Variants in PTPRK observed in about 807,000 individuals in gnomAD.
The protein encoded by PTPRK is protein tyrosine phosphatase receptor type K, also known as receptor-type tyrosine-protein phosphatase kappa.
PTPRK carries 75 observed loss-of-function variants against 178.0 expected under a neutral mutation model. The observed-to-expected ratio is 0.42, with a 90% CI of 0.35 to 0.51. The LOEUF is 0.51. Ranked by LOEUF, PTPRK falls within the 20% of genes least tolerant of loss-of-function variation. The pLI is 0.02. For missense variants in PTPRK, 1,441 were observed against 1,797.8 expected (o/e 0.80, Z 3.59); for synonymous variants, 637 against 620.6 (o/e 1.03, Z -0.39).
intron 2 of PTPRK, among the ~76,000 whole-genome samples, chr6:128,396,493 T>C (rs1002996081): frequency 6.6e-6 from 1 of 152,004 alleles, no homozygotes; most frequent in African/African-American, 2.4e-5. Context: ...TTGCTAAGCA[T>C]ATACGCACAG....
Position 128,322,249 on chromosome 6 carries a change from C to A in PTPRK, c.285G>T (p.Leu95=), listed in dbSNP as rs1828900713. 6.2e-7 allele frequency: 1 copy of A among 1,612,316 alleles called. No individual in the cohort carries two copies. Among genetic ancestry groups the A allele is most frequent in the East Asian group, 2.2e-5 (1 of 44,876 alleles). ...GAGTGTCGTTCTCCTTCATTGTAGG[C>A]AGCTGAAGTCTGGCTTTTTCTCCAG... ...HDPGEKARLQ[L]PTMKENDTHC... Residue 95 remains leucine, a synonymous_variant, in exon 3 of 30, where the codon CTG becomes CTT. Transcript: ENST00000368226.
intron 7 of PTPRK, among the ~76,000 whole-genome samples, chr6:128,090,286 C>T (rs1945146823): frequency 6.6e-6 from 1 of 152,158 alleles, no homozygotes; most frequent in South Asian, 2.1e-4. Context: ...ATAGTTGTTG[C>T]TGTTGTTACT....
intron 5 of PTPRK, among the ~76,000 whole-genome samples, chr6:128,236,813 T>C (rs1813367632): frequency 6.6e-6 from 1 of 152,188 alleles, no homozygotes. Flanking sequence ...TACAAGAAGG[T>C]AGATCTACTT....
intron 1 of PTPRK, among the ~76,000 whole-genome samples, chr6:128,481,688 G>A (rs1852101659): frequency 6.6e-6 from 1 of 151,968 alleles, no homozygotes; most frequent in South Asian, 2.1e-4. Flanking sequence ...TTGCCTTGGA[G>A]ATATTCTGAT....
At chr6:128,438,650 TACAA>T (rs1164198980) in intron 1 of PTPRK, among the ~76,000 whole-genome samples, 1 of 152,194 alleles carries the variant, frequency 6.6e-6, no homozygotes, top group South Asian at 2.1e-4. Flanking sequence ...TACAAAAAGA[TACAA>T]ACAGTGAACT....
intron 1 of PTPRK, among the ~76,000 whole-genome samples, chr6:128,504,570 C>A (rs1053937219): frequency 1.3e-5 from 2 of 152,154 alleles, no homozygotes; most frequent in African/African-American, 2.4e-5. Flanking sequence ...CAGGCTTCAA[C>A]TGGGATGTGC....
chr6:128,319,686 A>G (rs1451631951), intron 3 of PTPRK, among the ~76,000 whole-genome samples: 4 of 152,190 alleles, frequency 2.6e-5, no homozygotes, highest in African/African-American at 9.6e-5. Context: ...CCAGCAAACC[A>G]GCACTTACCA....
At chr6:128,504,195 T>C (rs1367037914) in intron 1 of PTPRK, among the ~76,000 whole-genome samples, 1 of 152,200 alleles carries the variant, frequency 6.6e-6, no homozygotes, top group African/African-American at 2.4e-5. Flanking sequence ...CCTCTTATTC[T>C]TTCAAAGCAT....
intron 3 of PTPRK, among the ~76,000 whole-genome samples, chr6:128,267,050 T>C (rs1283689308): frequency 6.6e-6 from 1 of 152,170 alleles, no homozygotes; most frequent in Non-Finnish European, 1.5e-5. Context: ...GCTAATTCAA[T>C]GCTAATTCGA....
At chr6:128,057,574 G>T (rs182872374) in intron 13 of PTPRK, among the ~76,000 whole-genome samples, 4,059 of 152,210 alleles carry the variant, frequency 0.027, 177 homozygotes, top group African/African-American at 0.093. Context: ...CACATGTGCT[G>T]TCCCAATTCC....
At chr6:128,404,940 T>A (rs1403387726) in intron 1 of PTPRK, among the ~76,000 whole-genome samples, 1 of 152,172 alleles carries the variant, frequency 6.6e-6, no homozygotes, top group Non-Finnish European at 1.5e-5. Context: ...ATTTTCAGAA[T>A]TATCCAGTAC....
At chr6:128,469,751 G>A (rs1231813364) in intron 1 of PTPRK, among the ~76,000 whole-genome samples, 3 of 152,058 alleles carry the variant, frequency 2.0e-5, no homozygotes, top group African/African-American at 7.2e-5. Flanking sequence ...AGAGTGTCCT[G>A]GATTACCAAG....
At chr6:128,416,571 C>T (rs1842881501) in intron 1 of PTPRK, among the ~76,000 whole-genome samples, 1 of 151,218 alleles carries the variant, frequency 6.6e-6, no homozygotes, top group Non-Finnish European at 1.5e-5. Flanking sequence ...TGGCGTGAAC[C>T]CGGGAGTCAG....
At chr6:128,517,329 G>T (rs2128446669) in intron 1 of PTPRK, among the ~76,000 whole-genome samples, 1 of 152,270 alleles carries the variant, frequency 6.6e-6, no homozygotes, top group Middle Eastern at 3.4e-3. Flanking sequence ...AGAGGAGAAA[G>T]CTGAGTTTCC....
intron 7 of PTPRK, among the ~76,000 whole-genome samples, chr6:128,160,285 T>C (rs1474612102): frequency 1.3e-5 from 2 of 151,756 alleles, no homozygotes; most frequent in Non-Finnish European, 3.0e-5. Context: ...ACTACTCTTT[T>C]TATACACATA....
At chr6:128,038,241 A>G (rs1432594694) in intron 13 of PTPRK, among the ~76,000 whole-genome samples, 1 of 152,188 alleles carries the variant, frequency 6.6e-6, no homozygotes, top group Non-Finnish European at 1.5e-5. Context: ...TACTTTATAC[A>G]CATTTTTTAT....
intron 7 of PTPRK, among the ~76,000 whole-genome samples, chr6:128,146,917 TATC>T (rs1796584550): frequency 6.6e-6 from 1 of 152,182 alleles, no homozygotes; most frequent in Non-Finnish European, 1.5e-5. Context: ...AATCTGTAAG[TATC>T]ATATAATTGC....
Position 128,123,127 on chromosome 6 carries a change from A to G in PTPRK, c.1163-33135T>C, listed in dbSNP as rs543971903. Among the ~76,000 whole-genome samples the G allele has an allele frequency of 4.9e-4, 74 of 152,350 alleles. 1 individual carries two copies. The highest frequency in any genetic ancestry group is 8.2e-4 in the Non-Finnish European group (56 of 68,034). On this transcript the variant is annotated intron_variant, in intron 7 of 29. Transcript: ENST00000368226. ...TCTGAAAAGGAGAAAACAGAAACAT[A>G]GGAAAGATGAACATGAGAAGATGAA...
intron 21 of PTPRK, among the ~76,000 whole-genome samples, chr6:127,989,792 T>C (rs1161594239): frequency 2.7e-5 from 4 of 149,106 alleles, no homozygotes; most frequent in East Asian, 2.0e-4. Flanking sequence ...TTGTTAACAA[T>C]TGTGTTTCTT....
Sources: gnomAD v4.1 joint callset for allele counts (sites outside exome capture counted in the v4.1 genomes callset) on GRCh38, gnomAD v4.1.1 for gene constraint, MANE v1.5 for transcripts, NCBI Gene and HGNC (gene_info 2026-07-23, HGNC 2026-07-21) for gene names.